The following RABGAP1L variants were observed in gnomAD, a reference collection of about 807,000 sequenced individuals.
RABGAP1L encodes RAB GTPase activating protein 1 like.
Under a neutral mutation model 137.7 loss-of-function variants are expected in RABGAP1L, and 63 were observed. That is an observed-to-expected ratio of 0.46 (90% CI 0.37 to 0.56). The LOEUF (loss-of-function observed/expected upper bound fraction) is 0.56, where lower values mean the gene tolerates loss of function less well. Among genes scored for constraint, RABGAP1L ranks in the 20% least tolerant of loss-of-function variants. RABGAP1L has a pLI of 0.00. For synonymous variants in RABGAP1L, 431 were observed against 433.7 expected, an observed-to-expected ratio of 0.99 and a Z score of 0.08; for missense variants, 1,095 against 1,244.0, an observed-to-expected ratio of 0.88 and a Z score of 1.80.
intron 11 of RABGAP1L, among the ~76,000 whole-genome samples, chr1:174,333,538 C>T (rs1018274274): frequency 3.3e-5 from 5 of 152,020 alleles, no homozygotes; most frequent in African/African-American, 4.8e-5. Flanking sequence ...TCCAAAGTGA[C>T]GATTAAAGTG....
At chr1:174,651,015 G>A (rs746599171) in intron 14 of RABGAP1L, among the ~76,000 whole-genome samples, 5,539 of 147,134 alleles carry the variant, frequency 0.038, 168 homozygotes, top group African/African-American at 0.086. Flanking sequence ...AATGTGTCCC[G>A]GAGATTCTGG....
chr1:174,879,009 C>G (rs1653681296), intron 19 of RABGAP1L, among the ~76,000 whole-genome samples: 1 of 142,740 alleles, frequency 7.0e-6, no homozygotes, highest in South Asian at 2.3e-4. Flanking sequence ...TTTCAGCTCA[C>G]TGCAACCTCC....
chr1:174,302,869 T>G (rs1343610107), intron 10 of RABGAP1L, among the ~76,000 whole-genome samples: 1 of 152,206 alleles, frequency 6.6e-6, no homozygotes. Context: ...AAAATTCCTA[T>G]TTGAAGATGC....
At chr1:174,619,241 C>A (rs770931379) in intron 13 of RABGAP1L, among the ~76,000 whole-genome samples, 13 of 152,104 alleles carry the variant, frequency 8.5e-5, no homozygotes, top group Admixed American at 2.6e-4. Flanking sequence ...GGAGAACTTC[C>A]CCAATCTAGC....
At chr1:174,348,029 ACTTATTC>A (rs1432487146) in intron 11 of RABGAP1L, among the ~76,000 whole-genome samples, 9 of 151,968 alleles carry the variant, frequency 5.9e-5, no homozygotes, top group African/African-American at 1.9e-4. Context: ...ATAAATGAGG[ACTTATTC>A]CTGACATTTT....
intron 7 of RABGAP1L, among the ~76,000 whole-genome samples, chr1:174,270,460 G>C (rs1040350720): frequency 3.9e-5 from 6 of 152,080 alleles, no homozygotes; most frequent in African/African-American, 1.4e-4. Context: ...GGAGAGCGGG[G>C]TGAAGGTTGA....
At chr1:174,852,192 A>G (rs1648477001) in intron 19 of RABGAP1L, among the ~76,000 whole-genome samples, 2 of 152,200 alleles carry the variant, frequency 1.3e-5, no homozygotes, top group South Asian at 2.1e-4. Flanking sequence ...GAGAAGAAAC[A>G]TATTGGTTAA....
chr1:174,674,422 A>C (rs974921938), intron 14 of RABGAP1L, among the ~76,000 whole-genome samples: 2 of 149,458 alleles, frequency 1.3e-5, no homozygotes, highest in African/African-American at 5.0e-5. Flanking sequence ...TGAACTCATC[A>C]TTTTTTATGG....
At chr1:174,262,341 G>T (rs1243760522) in intron 7 of RABGAP1L, among the ~76,000 whole-genome samples, 1 of 152,086 alleles carries the variant, frequency 6.6e-6, no homozygotes, top group Admixed American at 6.5e-5. Context: ...TACGTTTTTA[G>T]CATTGTATTT....
intron 13 of RABGAP1L, among the ~76,000 whole-genome samples, chr1:174,452,466 G>C (rs946284163): frequency 1.9e-4 from 29 of 152,104 alleles, no homozygotes; most frequent in African/African-American, 6.8e-4. Context: ...CTGAATTTGA[G>C]GACTAAATGA....
At chr1:174,413,680 T>C (rs1457448162) in intron 13 of RABGAP1L, among the ~76,000 whole-genome samples, 1 of 152,124 alleles carries the variant, frequency 6.6e-6, no homozygotes, top group Non-Finnish European at 1.5e-5. Flanking sequence ...CCCCCCTTTC[T>C]CTATGGGTGA....
intron 13 of RABGAP1L, among the ~76,000 whole-genome samples, chr1:174,521,270 GTTCA>G (rs1663361224): frequency 6.6e-6 from 1 of 152,184 alleles, no homozygotes; most frequent in African/African-American, 2.4e-5. Flanking sequence ...CAAAGCATCT[GTTCA>G]TTTTAAATCA....
At chr1:174,377,644 C>A (rs1183367998) in intron 12 of RABGAP1L, among the ~76,000 whole-genome samples, 1 of 152,098 alleles carries the variant, frequency 6.6e-6, no homozygotes, top group East Asian at 1.9e-4. Context: ...CCAATCAAAG[C>A]TACAGTGAGA....
intron 1 of RABGAP1L, among the ~76,000 whole-genome samples, chr1:174,171,743 C>T (rs1665406277): frequency 1.3e-5 from 2 of 151,592 alleles, no homozygotes; most frequent in African/African-American, 4.8e-5. Context: ...TGGCTCACGC[C>T]TGTAATCCCA....
intron 13 of RABGAP1L, among the ~76,000 whole-genome samples, chr1:174,519,028 GTAT>G (rs1345231524): frequency 6.6e-6 from 1 of 151,750 alleles, no homozygotes; most frequent in Non-Finnish European, 1.5e-5. Flanking sequence ...GTTTATGGAA[GTAT>G]TATGGAAAGC....
At chr1:174,478,252 G>A (rs1401593744) in intron 13 of RABGAP1L, among the ~76,000 whole-genome samples, 1 of 151,490 alleles carries the variant, frequency 6.6e-6, no homozygotes, top group South Asian at 2.1e-4. Context: ...TTTTGTTGTT[G>A]TTGTTATTTG....
intron 11 of RABGAP1L, among the ~76,000 whole-genome samples, chr1:174,305,803 A>G (rs1237857960): frequency 6.6e-6 from 1 of 151,816 alleles, no homozygotes; most frequent in Non-Finnish European, 1.5e-5. Flanking sequence ...TCTAGGGTAC[A>G]TGTGCACAAC....
intron 13 of RABGAP1L, among the ~76,000 whole-genome samples, chr1:174,613,236 C>T (rs1328787152): frequency 6.6e-6 from 1 of 151,948 alleles, no homozygotes; most frequent in Non-Finnish European, 1.5e-5. Context: ...GAATGTGTCC[C>T]AGAGATTCTG....
intron 13 of RABGAP1L, among the ~76,000 whole-genome samples, chr1:174,621,615 T>C (rs1349390864): frequency 1.3e-5 from 2 of 152,206 alleles, no homozygotes; most frequent in Admixed American, 1.3e-4. Flanking sequence ...GGATTCCCTA[T>C]TTAATAAATG....
Sources: allele counts gnomAD v4.1 joint callset (sites outside exome capture counted in the v4.1 genomes callset), GRCh38; gene constraint gnomAD v4.1.1; transcripts MANE v1.5; gene names NCBI Gene and HGNC (gene_info 2026-07-23, HGNC 2026-07-21).